Variants in VPS50 observed in about 807,000 individuals in gnomAD.
The protein encoded by VPS50 is syndetin.
A neutral mutation model predicts 139.7 loss-of-function variants in VPS50; 70 were observed. The ratio of observed to expected loss-of-function variants is 0.50; its 90% confidence interval spans 0.41 to 0.61. VPS50 has a LOEUF of 0.61. Among genes scored for constraint, VPS50 ranks in the 20% least tolerant of loss-of-function variants. The probability of loss-of-function intolerance (pLI) is 0.00; values close to 1 mark genes in which losing one functional copy is unlikely to be tolerated. For missense variants in VPS50, 921 were observed against 1,133.7 expected (o/e 0.81, Z 2.69); for synonymous variants, 365 against 376.7 (o/e 0.97, Z 0.36).
Position 93,232,638 on chromosome 7 carries a change from G to T in VPS50, c.33+138G>T, listed in dbSNP as rs1176819245. 1.8e-5 allele frequency: 14 copies of T among 774,018 alleles called. No homozygotes were observed. In the South Asian group the frequency reaches 2.1e-4, roughly 12 times the overall value. 47.9% of individuals were successfully genotyped at this position (774,018 alleles called of 1,614,324 possible). A position where few individuals can be genotyped will look rare whatever the true frequency, so the allele number is the denominator to read the frequency against. On this transcript the variant is annotated intron_variant, in intron 1 of 27. Transcript: ENST00000305866. Reference sequence around the variant, plus strand: ...GTGTCAGGGGGACTGGGAAGCCGGGGCATACCCTAGAAAACTCACCTGGGC... The same window carrying T: ...GTGTCAGGGGGACTGGGAAGCCGGGTCATACCCTAGAAAACTCACCTGGGC...
intron 21 of VPS50, among the ~76,000 whole-genome samples, chr7:93,326,556 G>A (rs1044400707): frequency 4.0e-5 from 6 of 151,194 alleles, no homozygotes; most frequent in African/African-American, 1.5e-4. Flanking sequence ...AATCTGAACT[G>A]AGCCATCTAC....
chr7:93,257,304 A>T, intron 5 of VPS50, 90 bp from the exon 6 acceptor site: 1 of 712,460 alleles, frequency 1.4e-6, no homozygotes, highest in Non-Finnish European at 2.4e-6. Flanking sequence ...TTTTCTTTGC[A>T]TCTGACTAGA....
chr7:93,278,590 CAAAAAAAAAA>C (rs11445569), intron 12 of VPS50, among the ~76,000 whole-genome samples: 4 of 67,988 alleles, frequency 5.9e-5, no homozygotes, highest in Non-Finnish European at 6.4e-5. Context: ...GACTCTGTCT[CAAAAAAAAAA>C]AAAAAAAAAA....
chr7:93,356,521 A>G (rs1798711306), intron 27 of VPS50, among the ~76,000 whole-genome samples: 1 of 152,184 alleles, frequency 6.6e-6, no homozygotes, highest in East Asian at 1.9e-4. Context: ...CATCCTACAC[A>G]CTGACACGTA....
intron 12 of VPS50, among the ~76,000 whole-genome samples, chr7:93,278,361 T>TGGGAGGCCA (rs1326386304): frequency 2.3e-4 from 35 of 151,738 alleles, no homozygotes. Context: ...CCCAGCACTT[T>TGGGAGGCCA]GGGAGGCCAA....
Position 93,324,768 on chromosome 7 carries a change from A to G in VPS50, c.1977+1036A>G, listed in dbSNP as rs542063984. Among the ~76,000 whole-genome samples the G allele has an allele frequency of 4.2e-4, 64 of 152,274 alleles. 1 individual carries two copies. The highest frequency in any genetic ancestry group is 1.5e-3 in the African/African-American group (63 of 41,534). On this transcript the variant is annotated intron_variant, in intron 21 of 27. Coordinates refer to ENST00000305866, the MANE Select transcript of VPS50 (RefSeq NM_017667.4). The stretch of plus-strand genomic sequence containing the variant: ...GAAGGACCTCTTCAAGGAGAACTAC[A>G]AACCACTGCTCAATGAAATAAAAGA...
chr7:93,334,371 TAGTATA>T (rs1407599550), intron 22 of VPS50, among the ~76,000 whole-genome samples, 174 bp downstream of exon 22: 2 of 152,156 alleles, frequency 1.3e-5, no homozygotes, highest in Non-Finnish European at 2.9e-5. Context: ...AGAGAGAAAC[TAGTATA>T]CATAAAAGAA....
At chr7:93,338,499 A>T (rs1318206261) in intron 22 of VPS50, among the ~76,000 whole-genome samples, 1 of 152,314 alleles carries the variant, frequency 6.6e-6, no homozygotes, top group South Asian at 2.1e-4. Context: ...ACAAATGTTT[A>T]TATAGTATCT....
intron 2 of VPS50, among the ~76,000 whole-genome samples, chr7:93,247,901 A>G (rs571910380): frequency 1.3e-5 from 2 of 151,854 alleles, no homozygotes; most frequent in Admixed American, 1.3e-4. Flanking sequence ...TGTTATTCCA[A>G]TTCATTACTT....
intron 21 of VPS50, among the ~76,000 whole-genome samples, chr7:93,326,985 A>G (rs772355307): frequency 2.3e-4 from 35 of 152,200 alleles, no homozygotes; most frequent in South Asian, 4.1e-4. Flanking sequence ...GAATTTATAT[A>G]CTATAAAGTA....
intron 2 of VPS50, among the ~76,000 whole-genome samples, chr7:93,244,401 G>A (rs10246824): frequency 0.95 from 144,539 of 151,902 alleles, 68,821 homozygotes; most frequent in East Asian, 1. Flanking sequence ...AATTTGTGGA[G>A]AGTGTGCTTG....
At chr7:93,253,683 G>A (rs1584391069) in intron 3 of VPS50, among the ~76,000 whole-genome samples, 177 bp from the exon 4 acceptor site, 3 of 152,180 alleles carry the variant, frequency 2.0e-5, no homozygotes, top group Non-Finnish European at 4.4e-5. Context: ...AGATGTATAG[G>A]CTTTTGTGGT....
intron 22 of VPS50, among the ~76,000 whole-genome samples, chr7:93,341,065 T>TCAGCA (rs1355666932): frequency 1.3e-5 from 2 of 152,222 alleles, no homozygotes; most frequent in Non-Finnish European, 2.9e-5. Flanking sequence ...TTGGATTTTA[T>TCAGCA]CAGCATGGTT....
intron 2 of VPS50, among the ~76,000 whole-genome samples, chr7:93,248,944 G>C (rs1469014401): frequency 6.6e-6 from 1 of 152,108 alleles, no homozygotes; most frequent in Non-Finnish European, 1.5e-5. Context: ...ATATTTTATA[G>C]GGAAATAATA....
At chr7:93,299,120 T>G (rs1018568867) in intron 16 of VPS50, among the ~76,000 whole-genome samples, 1 of 152,188 alleles carries the variant, frequency 6.6e-6, no homozygotes, top group African/African-American at 2.4e-5. Flanking sequence ...AACAAAAGTT[T>G]AAGGTAGTCT....
At chr7:93,341,801 A>G (rs959321740) in intron 23 of VPS50, among the ~76,000 whole-genome samples, 1 of 152,242 alleles carries the variant, frequency 6.6e-6, no homozygotes, top group East Asian at 1.9e-4. Flanking sequence ...TTTAATTTTC[A>G]GCCTTTAACA....
Position 93,344,420 on chromosome 7 carries a change from A to C in VPS50, c.2207+2845A>C, listed in dbSNP as rs528383180. On this transcript the variant is annotated intron_variant, in intron 23 of 27. Coordinates refer to ENST00000305866, the MANE Select transcript of VPS50 (RefSeq NM_017667.4). Reference sequence around the variant, plus strand: ...CCCCACTGTCAACATTAGACAGATCAACGAGACAGAAAGTTAACAAGGATA... The same window carrying C: ...CCCCACTGTCAACATTAGACAGATCCACGAGACAGAAAGTTAACAAGGATA... Among the ~76,000 whole-genome samples, 450 of 152,286 alleles carry C rather than the reference A, an allele frequency of 3.0e-3. 1 individual carries two copies. Among genetic ancestry groups the C allele is most frequent in the African/African-American group, 9.0e-3 (375 of 41,544 alleles).
chr7:93,308,780 G>A (rs764041716), intron 18 of VPS50, 44 bp from the exon 19 acceptor site: 12 of 1,018,062 alleles, frequency 1.2e-5, no homozygotes, highest in Non-Finnish European at 1.5e-5. Flanking sequence ...CCCACGAAAA[G>A]AGGCCCTTTA....
chr7:93,349,846 T>C (rs970239296), intron 24 of VPS50, 29 bp from the exon 25 acceptor site: 3 of 1,578,514 alleles, frequency 1.9e-6, no homozygotes, highest in Admixed American at 1.8e-5. Flanking sequence ...AGAAAATAAT[T>C]GTTTTCATTT....
Sources: allele counts gnomAD v4.1 joint callset (sites outside exome capture counted in the v4.1 genomes callset), GRCh38; gene constraint gnomAD v4.1.1; transcripts MANE v1.5; gene names NCBI Gene and HGNC (gene_info 2026-07-23, HGNC 2026-07-21).